LHCGR: variants seen among roughly 807,000 people sequenced by gnomAD.
LHCGR encodes the protein luteinizing hormone/choriogonadotropin receptor, also known as lutropin-choriogonadotropic hormone receptor.
Under a neutral mutation model 60.7 loss-of-function variants are expected in LHCGR, and 55 were observed. The ratio of observed to expected loss-of-function variants is 0.91; its 90% CI spans 0.73 to 1.13. LHCGR has a LOEUF of 1.13. LHCGR is among the 50% of genes most tolerant of loss of function. The pLI is 0.00. For missense variants in LHCGR, 862 were observed against 836.0 expected, an observed-to-expected ratio of 1.03 and a Z score of -0.38; for synonymous variants, 337 against 316.5, an observed-to-expected ratio of 1.06 and a Z score of -0.69.
At chr2:48,738,274 G>A (rs753611261) in intron 1 of LHCGR, among the ~76,000 whole-genome samples, 11 of 151,854 alleles carry the variant, frequency 7.2e-5, no homozygotes, top group Non-Finnish European at 1.2e-4. Context: ...GATGCCATGC[G>A]TGAACATTTC....
intron 6 of LHCGR, chr2:48,720,078 T>A (rs1668433629): frequency 6.6e-6 from 1 of 152,194 alleles, no homozygotes; most frequent in African/African-American, 2.4e-5. Flanking sequence ...CCTCAATCTT[T>A]ATTAACTTCA....
At chr2:48,706,811 T>C (rs974536940) in intron 8 of LHCGR, among the ~76,000 whole-genome samples, 1 of 152,190 alleles carries the variant, frequency 6.6e-6, no homozygotes, top group South Asian at 2.1e-4. Flanking sequence ...CATGGTTTTT[T>C]AGCTTCCTTG....
intron 8 of LHCGR, among the ~76,000 whole-genome samples, chr2:48,706,741 C>T (rs776693622): frequency 2.0e-5 from 3 of 152,130 alleles, no homozygotes; most frequent in South Asian, 2.1e-4. Flanking sequence ...AGCTCCGTCA[C>T]GTCATTTATG....
intron 6 of LHCGR, among the ~76,000 whole-genome samples, chr2:48,714,506 T>A (rs1473567091): frequency 2.0e-5 from 3 of 150,486 alleles, no homozygotes; most frequent in Non-Finnish European, 4.4e-5. Flanking sequence ...TTTTCTTGGA[T>A]GAGTATGTGG....
At chr2:48,694,080 A>C in intron 10 of LHCGR, 144 bp downstream of exon 10, 2 of 650,136 alleles carry the variant, frequency 3.1e-6, no homozygotes, top group South Asian at 3.5e-5. Flanking sequence ...GCAAAGAAAA[A>C]ATTCCCATTT....
chr2:48,752,728 ATTCTTTC>A (rs1670012708), intron 1 of LHCGR, among the ~76,000 whole-genome samples: 1 of 151,616 alleles, frequency 6.6e-6, no homozygotes, highest in Non-Finnish European at 1.5e-5. Context: ...AAAACTTCTT[ATTCTTTC>A]TAAGGTTAAT....
chr2:48,739,352 C>T (rs997313012), intron 1 of LHCGR, among the ~76,000 whole-genome samples: 1 of 152,156 alleles, frequency 6.6e-6, no homozygotes, highest in Non-Finnish European at 1.5e-5. Context: ...GCTATAAAGA[C>T]ACATGCACAC....
rs1680195700 is a variant in LHCGR at position 48,690,808 on chromosome 2, G to T, written c.948-1959C>A. 2.6e-5 allele frequency among the ~76,000 whole-genome samples: 4 copies of T among 152,208 alleles called. No homozygotes were observed. In the South Asian group the frequency reaches 6.2e-4, roughly 24 times the overall value. On this transcript the variant is annotated intron_variant, in intron 10 of 10. Transcript: ENST00000294954. Reference sequence around the variant, plus strand: ...AAACCTATTGCAATTAAGTGATGATGCATGTCTATCTTCTTTAATTGTCTA... The same window carrying T: ...AAACCTATTGCAATTAAGTGATGATTCATGTCTATCTTCTTTAATTGTCTA...
At position 48,729,227 on chromosome 2, in the gene LHCGR, A is replaced by C. The variant is rs753671958; in HGVS notation, c.234T>G (p.Ile78Met). 1 of 1,602,550 alleles carries C rather than the reference A, an allele frequency of 6.2e-7. No homozygotes were observed. Among genetic ancestry groups the C allele is most frequent in the Non-Finnish European group, 8.5e-7 (1 of 1,171,540 alleles). The change falls in exon 3 of 11, where the codon ATT becomes ATG. Residue 78 changes from isoleucine to methionine, a missense_variant and splice_region_variant. Physicochemically the swap from Ile to Met is conservative, Grantham distance 10. Transcript: ENST00000294954. ...CCAGGGAATCAATCTGAGAGATTTC[A>C]CTAGGGAAGAGAGGAGGGGGAAAAA... ...AFRGLNEVIK[I>M]EISQIDSLER...
Position 48,725,737 on chromosome 2 carries a change from T to C in LHCGR, c.322A>G (p.Thr108Ala). The change falls in exon 4 of 11, where the codon ACC (threonine) becomes GCC (alanine). Residue 108 changes from threonine (T) to alanine (A), a missense_variant. Coordinates refer to ENST00000294954, the MANE Select transcript of LHCGR (RefSeq NM_000233.4). ...GGCTCAATGTATCTCAGATTTTTGG[T>C]GTTCTGGATCAGTCTGTAAAGAGAG... The part of the protein sequence containing the change: ...LNLSEILIQN[T>A]KNLRYIEPGA... 6.2e-7 allele frequency: 1 copy of C among 1,612,166 alleles called. No homozygotes were observed. The highest frequency in any genetic ancestry group is 8.5e-7 in the Non-Finnish European group (1 of 1,178,438).
At chr2:48,736,966 G>C (rs1669228738) in intron 1 of LHCGR, among the ~76,000 whole-genome samples, 1 of 152,148 alleles carries the variant, frequency 6.6e-6, no homozygotes, top group South Asian at 2.1e-4. Context: ...CCTCCCCTTG[G>C]TTTTTCAGAG....
rs532086036 is a variant in LHCGR at position 48,698,051 on chromosome 2, G to A, written c.866+564C>T. On this transcript the variant is annotated intron_variant, in intron 9 of 10. Transcript: ENST00000294954. Reference sequence around the variant, plus strand: ...CCGTGTCCCCCACCCTGGACTGAACGGAATCAGATACCCACTACTGGATGC... The same window carrying A: ...CCGTGTCCCCCACCCTGGACTGAACAGAATCAGATACCCACTACTGGATGC... Among the ~76,000 whole-genome samples, 32 of 152,228 alleles carry A rather than the reference G, an allele frequency of 2.1e-4. 2 individuals are homozygous for A. The highest frequency in any genetic ancestry group is 7.2e-4 in the African/African-American group (30 of 41,526).
chr2:48,743,054 A>C (rs1015970137), intron 1 of LHCGR, among the ~76,000 whole-genome samples: 115 of 152,194 alleles, frequency 7.6e-4, no homozygotes, highest in Non-Finnish European at 1.5e-3. Flanking sequence ...ATCAGAGAAT[A>C]CTACAAACAC....
chr2:48,751,893 T>C (rs1185978494), intron 1 of LHCGR, among the ~76,000 whole-genome samples: 3 of 152,214 alleles, frequency 2.0e-5, no homozygotes, highest in South Asian at 4.1e-4. Flanking sequence ...GCCATAATTA[T>C]TATTAGCATT....
At chr2:48,742,720 A>G (rs1669516664) in intron 1 of LHCGR, among the ~76,000 whole-genome samples, 1 of 152,202 alleles carries the variant, frequency 6.6e-6, no homozygotes, top group African/African-American at 2.4e-5. Flanking sequence ...TTTAGCACTA[A>G]ATGCCCACAA....
intron 1 of LHCGR, among the ~76,000 whole-genome samples, chr2:48,737,971 T>C (rs1669273146): frequency 6.6e-6 from 1 of 152,236 alleles, no homozygotes; most frequent in Admixed American, 6.5e-5. Flanking sequence ...TCTTCCTTCC[T>C]GGCTTGGTGC....
intron 7 of LHCGR, among the ~76,000 whole-genome samples, chr2:48,710,107 C>T (rs535976193): frequency 6.6e-6 from 1 of 152,272 alleles, no homozygotes; most frequent in South Asian, 2.1e-4. Flanking sequence ...ACTGCAAAAA[C>T]CCCTGCATCT....
intron 1 of LHCGR, among the ~76,000 whole-genome samples, chr2:48,752,981 C>CGGGGGGG (rs60837194): frequency 1.1e-3 from 8 of 7,606 alleles, no homozygotes; most frequent in African/African-American, 1.6e-3. Context: ...CGGATTTTGG[C>CGGGGGGG]GGGGGGGGGG....
At chr2:48,745,208 G>C (rs1461803173) in intron 1 of LHCGR, among the ~76,000 whole-genome samples, 1 of 152,228 alleles carries the variant, frequency 6.6e-6, no homozygotes, top group Non-Finnish European at 1.5e-5. Context: ...AGATGCTGGA[G>C]AGGATGTGGA....
Sources: allele counts gnomAD v4.1 joint callset (sites outside exome capture counted in the v4.1 genomes callset), GRCh38; gene constraint gnomAD v4.1.1; transcripts MANE v1.5; gene names NCBI Gene and HGNC (gene_info 2026-07-23, HGNC 2026-07-21).